The following PPIH variants were observed in gnomAD, a reference collection of about 807,000 sequenced individuals.
The protein encoded by PPIH is peptidyl-prolyl cis-trans isomerase H.
Under a neutral mutation model 27.6 loss-of-function variants are expected in PPIH, and 16 were observed. The ratio of observed to expected loss-of-function variants is 0.58; its 90% CI spans 0.39 to 0.88. The LOEUF is 0.88. PPIH is among the 40% of genes least tolerant of loss of function. The pLI, the probability that PPIH is intolerant of heterozygous loss-of-function variation, is 0.00. For missense variants in PPIH, 155 were observed against 224.1 expected (o/e 0.69, Z 1.97); for synonymous variants, 63 against 76.1 (o/e 0.83, Z 0.90).
At position 42,658,668 on chromosome 1, in the gene PPIH, G is replaced by A. The variant is rs993422487; in HGVS notation, c.66+156G>A. Reference sequence around the variant, plus strand: ...CTGCCGGGCGGGGGGAAAGGAGGAGGAGGAGTCTCCCCAATCCTAGCGCCC... The same window carrying A: ...CTGCCGGGCGGGGGGAAAGGAGGAGAAGGAGTCTCCCCAATCCTAGCGCCC... On this transcript the variant is annotated intron_variant, in intron 1 of 9. Transcript: ENST00000304979. 1.5e-5 allele frequency: 17 copies of A among 1,113,626 alleles called. No individual in the cohort carries two copies. In the African/African-American group the frequency reaches 1.9e-4, roughly 12 times the overall value. 69.0% of individuals were successfully genotyped at this position (1,113,626 alleles called of 1,614,324 possible).
At chr1:42,678,271 C>T (rs1298766939), downstream of PPIH, among the ~76,000 whole-genome samples, 1 of 152,142 alleles carries the variant, frequency 6.6e-6, no homozygotes, top group East Asian at 1.9e-4. Context: ...ACATTCTATG[C>T]CAGTCTCTGT....
chr1:42,666,500 A>G, intron 7 of PPIH, 47 bp from the exon 8 acceptor site: 1 of 1,587,202 alleles, frequency 6.3e-7, no homozygotes, highest in East Asian at 2.2e-5. Context: ...GAAGCTGGAA[A>G]ATGCTATGTA....
intron 5 of PPIH, among the ~76,000 whole-genome samples, chr1:42,663,548 C>A (rs564847940): frequency 6.6e-6 from 1 of 151,982 alleles, no homozygotes; most frequent in Admixed American, 6.6e-5. Flanking sequence ...TTACAGGTAC[C>A]ACCACCACAC....
At chr1:42,660,982 C>A in intron 5 of PPIH, 78 bp downstream of exon 5, 1 of 1,291,346 alleles carries the variant, frequency 7.7e-7, no homozygotes, top group Non-Finnish European at 1.1e-6. Context: ...GTTTTTACTA[C>A]AGAGACCCAG....
In PPIH at chr1:42,659,137, C is replaced by A. The variant is rs537061534; in HGVS notation, c.132-91C>A. 3 of 1,569,538 alleles carry A rather than the reference C, an allele frequency of 1.9e-6. No individual in the cohort carries two copies. In the Admixed American group the frequency reaches 5.3e-5, roughly 28 times the overall value. On this transcript the variant is annotated intron_variant, in intron 2 of 9. Transcript: ENST00000304979. ...TCTGGCTGGCCGATTGGTGGACTTG[C>A]TGGCTCCAGTGTTTATTCTTTCCCG...
chr1:42,670,100 G>A (rs1392804517), intron 9 of PPIH, among the ~76,000 whole-genome samples: 2 of 152,178 alleles, frequency 1.3e-5, no homozygotes, highest in East Asian at 1.9e-4. Flanking sequence ...CATTTTAGGC[G>A]GGGAACTCGT....
intron 5 of PPIH, among the ~76,000 whole-genome samples, chr1:42,663,288 T>C (rs776399345): frequency 6.6e-6 from 1 of 152,230 alleles, no homozygotes; most frequent in Non-Finnish European, 1.5e-5. Context: ...ATCTTCATGA[T>C]AACTGTAAAG....
At chr1:42,666,165 T>C (rs936072366) in intron 7 of PPIH, 98 bp downstream of exon 7, 15 of 1,135,510 alleles carry the variant, frequency 1.3e-5, no homozygotes, top group Non-Finnish European at 2.0e-5. Context: ...AAGCTCAACC[T>C]GTGTAACTGC....
rs1018976268 is a variant in PPIH at position 42,658,658 on chromosome 1, A to G, written c.66+146A>G. On this transcript the variant is annotated intron_variant, in intron 1 of 9. Transcript: ENST00000304979. ...ACCTACCGACCTGCCGGGCGGGGGG[A>G]AAGGAGGAGGAGGAGTCTCCCCAAT... 1.9e-5 allele frequency: 22 copies of G among 1,138,130 alleles called. No homozygotes were observed. The South Asian group carries it at 2.7e-4, about 14-fold the overall frequency. The allele number at this position is 1,138,130 out of a possible 1,614,324, so 70.5% of individuals were successfully genotyped here.
intron 9 of PPIH, among the ~76,000 whole-genome samples, chr1:42,668,566 C>T (rs1317537851): frequency 1.3e-5 from 2 of 152,108 alleles, no homozygotes; most frequent in Non-Finnish European, 1.5e-5. Flanking sequence ...CCCCAATTGT[C>T]CCAAAAGTAA....
chr1:42,665,929 C>A, intron 6 of PPIH, 51 bp from the exon 7 acceptor site: 1 of 1,482,960 alleles, frequency 6.7e-7, no homozygotes, highest in Non-Finnish European at 9.4e-7. Flanking sequence ...TCTTGCCCTT[C>A]AGCTAACATG....
downstream of PPIH, among the ~76,000 whole-genome samples, chr1:42,679,201 AT>A (rs1283179658): frequency 2.0e-5 from 3 of 152,112 alleles, no homozygotes; most frequent in Non-Finnish European, 4.4e-5. Context: ...CAAGAAAATT[AT>A]TTTTTGAGAC....
In PPIH at chr1:42,666,037, G is replaced by A. The variant is rs1649316121; in HGVS notation, c.394G>A (p.Asp132Asn). Reference protein sequence around the residue: ...CQFFITCSKCDWLDGKHVVFG... With the variant: ...CQFFITCSKCNWLDGKHVVFG... ...GTTCTTTATCACCTGCTCTAAGTGC[G>A]ATTGGCTGGATGGGAAGCATGTGGT... The change falls in exon 7 of 10, where the codon GAT (aspartate) becomes AAT (asparagine). Residue 132 changes from aspartate (D) to asparagine (N), a missense_variant. Coordinates refer to ENST00000304979, the MANE Select transcript of PPIH (RefSeq NM_006347.4). 1.2e-6 allele frequency: 2 copies of A among 1,614,054 alleles called. No homozygotes were observed. Among genetic ancestry groups the A allele is most frequent in the African/African-American group, 2.7e-5 (2 of 74,926 alleles).
chr1:42,666,203 G>A, intron 7 of PPIH, 136 bp downstream of exon 7: 3 of 790,222 alleles, frequency 3.8e-6, no homozygotes, highest in Non-Finnish European at 6.3e-6. Context: ...AAACAGAAAT[G>A]GTGGGGAGGT....
At chr1:42,679,073 C>T (rs765782482), downstream of PPIH, among the ~76,000 whole-genome samples, 36 of 152,328 alleles carry the variant, frequency 2.4e-4, no homozygotes, top group Non-Finnish European at 4.3e-4. Flanking sequence ...CTGTGCTCAC[C>T]ACGGACAGCT....
At chr1:42,671,621 T>C (rs919039756) in intron 9 of PPIH, among the ~76,000 whole-genome samples, 3 of 152,196 alleles carry the variant, frequency 2.0e-5, no homozygotes, top group Admixed American at 1.3e-4. Flanking sequence ...GAATTCTTCC[T>C]GTGCCCGGAT....
chr1:42,667,324 G>C, intron 8 of PPIH, 27 bp from the exon 9 acceptor site: 1 of 1,559,060 alleles, frequency 6.4e-7, no homozygotes, highest in East Asian at 2.2e-5. Flanking sequence ...CTGAGTGGAT[G>C]AATCTCCATT....
intron 9 of PPIH, among the ~76,000 whole-genome samples, chr1:42,671,278 A>C (rs1649621305): frequency 6.6e-6 from 1 of 152,124 alleles, no homozygotes; most frequent in South Asian, 2.1e-4. Context: ...AATTACAAAA[A>C]TTAGCCGGGC....
chr1:42,660,837 C>G (rs1174105092), intron 4 of PPIH, 25 bp from the exon 5 acceptor site: 7 of 1,569,714 alleles, frequency 4.5e-6, no homozygotes, highest in Non-Finnish European at 5.2e-6. Context: ...AAAATCTTCT[C>G]AGTATTCTTT....
Sources: gnomAD v4.1 joint callset for allele counts (sites outside exome capture counted in the v4.1 genomes callset) on GRCh38, gnomAD v4.1.1 for gene constraint, MANE v1.5 for transcripts, NCBI Gene and HGNC (gene_info 2026-07-23, HGNC 2026-07-21) for gene names.